Variants in SLC16A6 observed in about 807,000 individuals in gnomAD.
SLC16A6 encodes the protein solute carrier family 16 member 6.
In SLC16A6, 15 loss-of-function variants were observed where a neutral mutation model predicts 33.8. The observed-to-expected ratio is 0.44, with a 90% confidence interval of 0.30 to 0.68. The LOEUF (loss-of-function observed/expected upper bound fraction) is 0.68, where lower values mean the gene tolerates loss of function less well. Among genes scored for constraint, SLC16A6 ranks in the 30% least tolerant of loss-of-function variants. SLC16A6 has a pLI of 0.10. For missense variants in SLC16A6, 451 were observed against 661.5 expected (o/e 0.68, Z 3.49); for synonymous variants, 219 against 248.4 (o/e 0.88, Z 1.11).
chr17:68,278,249 G>T lies in SLC16A6; in HGVS notation c.72C>A (p.Gly24=), dbSNP rs372439239. Residue 24 remains glycine, a synonymous_variant, in exon 2 of 6, where the codon GGC becomes GGA. Coordinates refer to ENST00000580666, the MANE Select transcript of SLC16A6 (RefSeq NM_004694.5). ...AGAAAAATGAAACAGCTACCGCCCA[G>T]CCCCATCCTCCATCAGGCACTTCAG... The part of the protein sequence containing the change: ...VYTEVPDGGW[G]WAVAVSFFFV... The T allele has an allele frequency of 1.2e-6, 2 of 1,614,068 alleles. No homozygotes were observed. The highest frequency in any genetic ancestry group is 2.7e-5 in the African/African-American group (2 of 74,940).
At chr17:68,274,784 CTTT>C (rs11342192) in intron 2 of SLC16A6, among the ~76,000 whole-genome samples, 4 of 143,246 alleles carry the variant, frequency 2.8e-5, no homozygotes, top group Admixed American at 6.9e-5. Flanking sequence ...TAGTTTCTTT[CTTT>C]TTTTTTTTTT....
intron 5 of SLC16A6, 70 bp downstream of exon 5, chr17:68,270,769 T>C: frequency 7.3e-7 from 1 of 1,369,672 alleles, no homozygotes. Flanking sequence ...TTTTTATGGC[T>C]TGAACAGGAA....
intron 1 of SLC16A6, among the ~76,000 whole-genome samples, chr17:68,282,786 A>AAAAAAAAAAAAAAAAAAAAAAAC (rs2075736090): frequency 6.8e-6 from 1 of 146,740 alleles, no homozygotes; most frequent in Non-Finnish European, 1.5e-5. Context: ...TACTAAAAAA[A>AAAAAAAAAAAAAAAAAAAAAAAC]AAAAAAAAAA....
At chr17:68,291,351 C>T (rs1339788826), upstream of SLC16A6, 1 of 150,130 alleles carries the variant, frequency 6.7e-6, no homozygotes, top group African/African-American at 2.4e-5. Context: ...TGCTGCCGCC[C>T]GCGCCCCGGC....
rs528636822 is a variant in SLC16A6, at chr17:68,268,474, G to C, written c.*622C>G. ...AAATTTGTTTATTAGTAAAATGTTT[G>C]GTCTTAAACTATATTTCATTTCCAG... On this transcript the variant is annotated 3_prime_UTR_variant, in exon 6 of 6. Transcript: ENST00000580666. The C allele has an allele frequency of 2.0e-5, 3 of 151,954 alleles. No homozygotes were observed. The highest frequency in any genetic ancestry group is 7.3e-5 in the African/African-American group (3 of 41,268). 9.4% of individuals were successfully genotyped at this position (151,954 alleles called of 1,614,324 possible).
chr17:68,271,615 C>T lies in SLC16A6; in HGVS notation c.545G>A (p.Ser182Asn). Reference sequence around the variant, plus strand: ...CTGTAGTAGGCCCACGAAGAGGAGGCTGTATCTCCAGCCAATGCGCTCCTT... The same window carrying T: ...CTGTAGTAGGCCCACGAAGAGGAGGTTGTATCTCCAGCCAATGCGCTCCTT... ...ALKERIGWRYSLLFVGLLQLN... is the reference protein window; with the variant it reads ...ALKERIGWRYNLLFVGLLQLN... The change falls in exon 5 of 6, where the codon AGC (serine) becomes AAC (asparagine). Residue 182 changes from serine to asparagine, a missense_variant. Physicochemically the swap from Ser to Asn is conservative, Grantham distance 46. Coordinates refer to ENST00000580666, the MANE Select transcript of SLC16A6 (RefSeq NM_004694.5). This position sits in a 1 kb window ranked among gnomAD's most constrained non-coding sequence, Gnocchi z 5.3. The T allele has an allele frequency of 6.2e-7, 1 of 1,613,820 alleles. No individual in the cohort carries two copies. Among genetic ancestry groups the T allele is most frequent in the Non-Finnish European group, 8.5e-7 (1 of 1,179,672 alleles).
Position 68,273,983 on chromosome 17 carries a change from G to A in SLC16A6, c.320C>T (p.Ala107Val), listed in dbSNP as rs1194564209. ...GGLLVSTGMV[A>V]ASFSQEVSHM... is the part of the protein sequence containing the mutation. ...AGAAACCTCTTGTGAGAAGGAGGCGGCCACCATCCCGGTGCTGACAAGTAG... is the reference window on the plus strand; with the variant it reads ...AGAAACCTCTTGTGAGAAGGAGGCGACCACCATCCCGGTGCTGACAAGTAG... The change falls in exon 3 of 6, where the codon GCC becomes GTC. Residue 107 changes from alanine to valine, a missense_variant. Physicochemically the swap from Ala to Val is moderately conservative, Grantham distance 64. This residue lies in a region of SLC16A6 where 405 missense variants were observed against 510.7 expected (regional missense o/e 0.79). Coordinates refer to ENST00000580666, the MANE Select transcript of SLC16A6 (RefSeq NM_004694.5). 3 of 1,614,014 alleles carry A rather than the reference G, an allele frequency of 1.9e-6. No homozygotes were observed. Among genetic ancestry groups the A allele is most frequent in the Non-Finnish European group, 2.5e-6 (3 of 1,180,026 alleles).
Position 68,267,984 on chromosome 17 carries a change from C to G in SLC16A6, c.*1112G>C, listed in dbSNP as rs1290064297. The G allele has an allele frequency of 1.3e-5, 2 of 152,142 alleles. No individual in the cohort carries two copies. Among genetic ancestry groups the G allele is most frequent in the Non-Finnish European group, 2.9e-5 (2 of 68,016 alleles). 9.4% of individuals were successfully genotyped at this position (152,142 alleles called of 1,614,324 possible). ...CAATTCTCTGAAATATAATTCTGAT[C>G]AAAGAAGTTCCTCAAGTATTCTTAA... On this transcript the variant is annotated 3_prime_UTR_variant, in exon 6 of 6. Transcript: ENST00000580666.
chr17:68,282,604 G>A (rs140739391), intron 1 of SLC16A6, among the ~76,000 whole-genome samples: 1 of 151,596 alleles, frequency 6.6e-6, no homozygotes, highest in South Asian at 2.1e-4. Flanking sequence ...TTTGAGAACA[G>A]CCTGGGTAAT....
chr17:68,271,086 C>T lies in SLC16A6; in HGVS notation c.1074G>A (p.Lys358=). The change falls in exon 5 of 6, where the codon AAG becomes AAA. Residue 358 remains lysine (K), a synonymous_variant. Coordinates refer to ENST00000580666, the MANE Select transcript of SLC16A6 (RefSeq NM_004694.5). The surrounding 1 kb of genome is among the most constrained non-coding windows in gnomAD (Gnocchi z 5.3). ...TGACGCAGATGAGCTCAATGTAAAT[C>T]TTACGAATGGGCTCCCTGTTGAGGA... The part of the protein sequence containing the change: ...GFVLNREPIR[K]IYIELICVIL... 1 of 1,614,170 alleles carries T rather than the reference C, an allele frequency of 6.2e-7. No homozygotes were observed. The highest frequency in any genetic ancestry group is 8.5e-7 in the Non-Finnish European group (1 of 1,180,046).
At chr17:68,290,581 G>A (rs1272986309) in intron 1 of SLC16A6, among the ~76,000 whole-genome samples, 2 of 152,246 alleles carry the variant, frequency 1.3e-5, no homozygotes, top group African/African-American at 4.8e-5. Flanking sequence ...GGAGTGCTGT[G>A]TTTGGGGGTC....
chr17:68,278,900 A>G (rs558721085), intron 1 of SLC16A6, among the ~76,000 whole-genome samples: 1 of 152,236 alleles, frequency 6.6e-6, no homozygotes, highest in South Asian at 2.1e-4. Flanking sequence ...GATTATAGGC[A>G]TGAGCCACCA....
At chr17:68,290,322 G>A (rs1259221267) in intron 1 of SLC16A6, among the ~76,000 whole-genome samples, 1 of 152,180 alleles carries the variant, frequency 6.6e-6, no homozygotes, top group Non-Finnish European at 1.5e-5. Context: ...TTGCTAGGGT[G>A]GGGGGAATAA....
Position 68,271,049 on chromosome 17 carries a change from C to T in SLC16A6, c.1111G>A (p.Val371Met). The change falls in exon 5 of 6, where the codon GTG becomes ATG. Residue 371 changes from valine to methionine, a missense_variant. This residue lies in a region of SLC16A6 where 405 missense variants were observed against 510.7 expected (regional missense o/e 0.79). Transcript: ENST00000580666. This position sits in a 1 kb window ranked among gnomAD's most constrained non-coding sequence, Gnocchi z 5.3. ...IELICVILLTVSLFAFTFATE... is the reference protein window; with the variant it reads ...IELICVILLTMSLFAFTFATE... Reference sequence around the variant, plus strand: ...GCAAAAGTAAAGGCAAACAGAGACACAGTCAATAAGATGACGCAGATGAGC... The same window carrying T: ...GCAAAAGTAAAGGCAAACAGAGACATAGTCAATAAGATGACGCAGATGAGC... The T allele has an allele frequency of 6.2e-7, 1 of 1,614,210 alleles. No homozygotes were observed. Among genetic ancestry groups the T allele is most frequent in the Non-Finnish European group, 8.5e-7 (1 of 1,180,048 alleles).
rs36155626 is a variant in SLC16A6, at chr17:68,282,779, T to TAAAAAAAAAAAA, written c.-7-4464_-7-4453dup. On this transcript the variant is annotated intron_variant, in intron 1 of 5. Coordinates refer to ENST00000580666, the MANE Select transcript of SLC16A6 (RefSeq NM_004694.5). ...CAACATAGTGAAACCCCATCTCTAC[T>TAAAAAAAAAAAA]AAAAAAAAAAAAAAAAAAAAAGGCC... Among the ~76,000 whole-genome samples the TAAAAAAAAAAAA allele has an allele frequency of 3.4e-4, 18 of 53,404 alleles. 2 individuals are homozygous for TAAAAAAAAAAAA. The highest frequency in any genetic ancestry group is 1.1e-3 in the African/African-American group (12 of 10,790). The allele number at this position is 53,404 out of a possible 152,430, so 35.0% of individuals were successfully genotyped here.
intron 1 of SLC16A6, among the ~76,000 whole-genome samples, chr17:68,289,561 G>A (rs192526836): frequency 6.6e-6 from 1 of 152,198 alleles, no homozygotes; most frequent in Non-Finnish European, 1.5e-5. Flanking sequence ...GCGTAGCCCG[G>A]AGAACAGCTT....
intron 1 of SLC16A6, among the ~76,000 whole-genome samples, chr17:68,284,461 A>C (rs1163174643): frequency 1.3e-5 from 2 of 152,242 alleles, no homozygotes; most frequent in African/African-American, 4.8e-5. Flanking sequence ...AATTGTATAC[A>C]GGTGAATTTT....
intron 1 of SLC16A6, among the ~76,000 whole-genome samples, chr17:68,278,705 G>T (rs9897209): frequency 0.25 from 36,756 of 147,630 alleles, 5,040 homozygotes; most frequent in African/African-American, 0.36. Context: ...CTGAAATCTC[G>T]GCCTCCCGGG....
chr17:68,289,067 CG>C (rs2075907055), intron 1 of SLC16A6, among the ~76,000 whole-genome samples: 1 of 152,046 alleles, frequency 6.6e-6, no homozygotes, highest in African/African-American at 2.4e-5. Flanking sequence ...GAGTATTGGC[CG>C]GGTGCGGTAG....
Sources: gnomAD v4.1 joint callset for allele counts (sites outside exome capture counted in the v4.1 genomes callset) on GRCh38, gnomAD v4.1.1 for gene constraint, gnomAD v4.1.1 regional missense constraint, Gnocchi (gnomAD v3.1) non-coding constraint, MANE v1.5 for transcripts, NCBI Gene and HGNC (gene_info 2026-07-23, HGNC 2026-07-21) for gene names.